Variants in FRMD3 observed in about 807,000 individuals in gnomAD.
FRMD3 encodes the protein FERM domain containing 3.
A neutral mutation model predicts 70.2 loss-of-function variants in FRMD3; 33 were observed. That is an observed-to-expected ratio of 0.47 (90% CI 0.36 to 0.63). The LOEUF (loss-of-function observed/expected upper bound fraction) is 0.63. FRMD3 is among the 20% of genes least tolerant of loss of function. The pLI, the probability that FRMD3 is intolerant of heterozygous loss-of-function variation, is 0.00. For missense variants in FRMD3, 632 were observed against 711.4 expected, an observed-to-expected ratio of 0.89 and a Z score of 1.27; for synonymous variants, 279 against 255.9, an observed-to-expected ratio of 1.09 and a Z score of -0.86.
intron 1 of FRMD3, among the ~76,000 whole-genome samples, chr9:83,515,994 G>A (rs561355097): frequency 1.3e-3 from 195 of 152,076 alleles, no homozygotes; most frequent in African/African-American, 4.4e-3. Context: ...AGGAAAAACC[G>A]ATACCAGCCA....
chr9:83,253,313 G>C (rs941834442), intron 13 of FRMD3, among the ~76,000 whole-genome samples: 1 of 152,108 alleles, frequency 6.6e-6, no homozygotes, highest in African/African-American at 2.4e-5. Context: ...GAAGTTCTTT[G>C]AAACTAATGA....
chr9:83,316,162 T>G (rs13284723), intron 6 of FRMD3, among the ~76,000 whole-genome samples: 1 of 61,326 alleles, frequency 1.6e-5, no homozygotes, highest in Non-Finnish European at 3.4e-5. Context: ...TTTTTTTTTC[T>G]TTTTTTTTTT....
At chr9:83,575,619 A>T in the FRMD3 span, among the ~76,000 whole-genome samples, 2 of 152,206 alleles carry the variant, frequency 1.3e-5, no homozygotes, top group African/African-American at 4.8e-5. Context: ...TTCAATAAAC[A>T]CACAAAACTG....
At chr9:83,408,291 C>A (rs1249939934) in intron 1 of FRMD3, among the ~76,000 whole-genome samples, 1 of 152,222 alleles carries the variant, frequency 6.6e-6, no homozygotes, top group Non-Finnish European at 1.5e-5. Context: ...ACCAAGCTTG[C>A]TCCCTGGATG....
At chr9:83,479,964 C>T (rs1409156612) in intron 1 of FRMD3, among the ~76,000 whole-genome samples, 2 of 152,114 alleles carry the variant, frequency 1.3e-5, no homozygotes, top group Admixed American at 6.6e-5. Context: ...GGAGAGATGT[C>T]GATCCACAGG....
At chr9:83,309,458 T>C in intron 10 of FRMD3, 78 bp downstream of exon 10, 1 of 791,658 alleles carries the variant, frequency 1.3e-6, no homozygotes, top group Admixed American at 2.6e-5. Flanking sequence ...AAGAAATAAA[T>C]ATGCAGCCAT....
chr9:83,427,229 AT>A, intron 1 of FRMD3, among the ~76,000 whole-genome samples: 1 of 152,216 alleles, frequency 6.6e-6, no homozygotes, highest in East Asian at 1.9e-4. Context: ...GATTCCACAC[AT>A]CAGGAAACCT....
chr9:83,529,357 T>A (rs1829748202), intron 1 of FRMD3, among the ~76,000 whole-genome samples: 1 of 152,246 alleles, frequency 6.6e-6, no homozygotes, highest in Non-Finnish European at 1.5e-5. Context: ...GAGTAGCTGT[T>A]AATAGATACA....
chr9:83,407,837 G>GTCTCTCTCTC (rs761983764), intron 1 of FRMD3, among the ~76,000 whole-genome samples: 1,047 of 103,490 alleles, frequency 0.01, 38 homozygotes, highest in African/African-American at 0.022. Flanking sequence ...GGGTTGTTGA[G>GTCTCTCTCTC]TCTCTCTCTC....
chr9:83,298,564 A>C (rs1161676803), intron 12 of FRMD3, among the ~76,000 whole-genome samples, 184 bp downstream of exon 12: 1 of 152,324 alleles, frequency 6.6e-6, no homozygotes, highest in East Asian at 1.9e-4. Context: ...GAGAGCACAT[A>C]ACTCAAAGTG....
At chr9:83,425,622 T>C (rs1235637465) in intron 1 of FRMD3, among the ~76,000 whole-genome samples, 2 of 151,946 alleles carry the variant, frequency 1.3e-5, no homozygotes, top group Non-Finnish European at 2.9e-5. Context: ...GACCTTCCTA[T>C]GGGCCGGGCG....
intron 1 of FRMD3, among the ~76,000 whole-genome samples, chr9:83,527,119 G>A (rs1045860807): frequency 4.6e-5 from 7 of 152,106 alleles, no homozygotes; most frequent in Non-Finnish European, 8.8e-5. Flanking sequence ...TGTTTGTGCC[G>A]AGATATTGCC....
At chr9:83,346,247 C>T (rs957314882) in intron 4 of FRMD3, among the ~76,000 whole-genome samples, 13 of 115,194 alleles carry the variant, frequency 1.1e-4, no homozygotes, top group South Asian at 3.1e-4. Context: ...CAGAGCAAGA[C>T]GCCATCTCAA....
intron 1 of FRMD3, among the ~76,000 whole-genome samples, chr9:83,477,841 T>C (rs1828436323): frequency 6.6e-6 from 1 of 152,148 alleles, no homozygotes; most frequent in South Asian, 2.1e-4. Flanking sequence ...GCTTAGACAT[T>C]CCAAGCCTTA....
At chr9:83,453,552 T>C (rs1420701941) in intron 1 of FRMD3, among the ~76,000 whole-genome samples, 1 of 151,976 alleles carries the variant, frequency 6.6e-6, no homozygotes, top group African/African-American at 2.4e-5. Context: ...AGCATCCTAC[T>C]GAAGATATAA....
At chr9:83,372,992 C>T (rs1825028818) in intron 2 of FRMD3, 37 bp from the exon 3 acceptor site, 5 of 1,567,576 alleles carry the variant, frequency 3.2e-6, no homozygotes, top group African/African-American at 2.7e-5. Context: ...GATCAGGGGT[C>T]AAATTGCTGG....
chr9:83,374,456 C>T (rs1471673592), intron 2 of FRMD3, among the ~76,000 whole-genome samples: 1 of 152,082 alleles, frequency 6.6e-6, no homozygotes, highest in East Asian at 1.9e-4. Flanking sequence ...TTGCTTCTGG[C>T]TAAAATTATA....
At chr9:83,258,800 A>C (rs765325291) in intron 13 of FRMD3, among the ~76,000 whole-genome samples, 4 of 152,136 alleles carry the variant, frequency 2.6e-5, no homozygotes, top group Non-Finnish European at 5.9e-5. Context: ...TGCAGCAGAC[A>C]TTTCTTCAGC....
intron 13 of FRMD3, among the ~76,000 whole-genome samples, chr9:83,273,924 C>T (rs985427289): frequency 2.6e-5 from 4 of 152,120 alleles, no homozygotes; most frequent in African/African-American, 9.7e-5. Context: ...TCAAAGTGAT[C>T]CTCCTGCCTC....
Sources: allele counts gnomAD v4.1 joint callset (sites outside exome capture counted in the v4.1 genomes callset), GRCh38; gene constraint gnomAD v4.1.1; transcripts MANE v1.5; gene names NCBI Gene and HGNC (gene_info 2026-07-23, HGNC 2026-07-21).